The following TAFA2 variants were observed in gnomAD, a reference collection of about 807,000 sequenced individuals.
TAFA2 encodes the protein TAFA chemokine like family member 2, also known as chemokine-like protein TAFA-2.
TAFA2 carries 7 observed loss-of-function variants against 18.8 expected under a neutral mutation model. That is an observed-to-expected ratio of 0.37 (90% CI 0.21 to 0.70). The LOEUF is 0.70. TAFA2 is among the 30% of genes least tolerant of loss of function. TAFA2 has a pLI of 0.53. For missense variants in TAFA2, 122 were observed against 158.1 expected (o/e 0.77, Z 1.23); for synonymous variants, 60 against 54.2 (o/e 1.11, Z -0.47).
chr12:61,761,548 T>C (rs1869547239), intron 2 of TAFA2, among the ~76,000 whole-genome samples: 1 of 152,064 alleles, frequency 6.6e-6, no homozygotes, highest in South Asian at 2.1e-4. Flanking sequence ...CCATAAACCA[T>C]TTATGAAATA....
At chr12:61,866,348 G>T (rs1209469354) in intron 2 of TAFA2, among the ~76,000 whole-genome samples, 1 of 152,030 alleles carries the variant, frequency 6.6e-6, no homozygotes. Context: ...TAATTAAACG[G>T]ACATGTGTAA....
intron 1 of TAFA2, chr12:62,234,914 T>A (rs1019938342): frequency 3.3e-6 from 3 of 902,496 alleles, no homozygotes; most frequent in Non-Finnish European, 5.4e-6. Flanking sequence ...GGGGGCAACA[T>A]CTGAGCCACG....
intron 1 of TAFA2, among the ~76,000 whole-genome samples, chr12:61,895,540 A>C (rs1875804446): frequency 6.6e-6 from 1 of 152,170 alleles, no homozygotes; most frequent in Non-Finnish European, 1.5e-5. Flanking sequence ...AAGCAAGCAC[A>C]AATACAGTGT....
intron 1 of TAFA2, among the ~76,000 whole-genome samples, chr12:62,113,049 AAGG>A (rs1869802495): frequency 6.6e-6 from 1 of 151,972 alleles, no homozygotes; most frequent in South Asian, 2.1e-4. Flanking sequence ...TGATCCTTTG[AAGG>A]AGAAGAGGGA....
chr12:62,142,268 C>T (rs1353924530), intron 1 of TAFA2, among the ~76,000 whole-genome samples: 2 of 152,100 alleles, frequency 1.3e-5, no homozygotes, highest in South Asian at 4.2e-4. Context: ...CTCTGCCTGG[C>T]CCACAGCAGG....
chr12:61,970,897 C>G (rs1164036231), intron 1 of TAFA2, among the ~76,000 whole-genome samples: 1 of 151,030 alleles, frequency 6.6e-6, no homozygotes, highest in African/African-American at 2.4e-5. Flanking sequence ...GAAAAAGAAT[C>G]TAGAAGGCTA....
At chr12:61,903,903 G>C (rs1876225235) in intron 1 of TAFA2, among the ~76,000 whole-genome samples, 1 of 152,064 alleles carries the variant, frequency 6.6e-6, no homozygotes. Flanking sequence ...TAAGTTATCT[G>C]CCTTTCCAGA....
chr12:61,756,574 A>T (rs1251309299), intron 2 of TAFA2, among the ~76,000 whole-genome samples: 3 of 152,094 alleles, frequency 2.0e-5, no homozygotes, highest in African/African-American at 7.2e-5. Flanking sequence ...ACAGCAATGA[A>T]TAAGGGACAC....
chr12:62,238,349 C>T (rs1260111402), intron 1 of TAFA2, among the ~76,000 whole-genome samples: 4 of 152,166 alleles, frequency 2.6e-5, no homozygotes, highest in Admixed American at 1.3e-4. Flanking sequence ...TTCAATTTTC[C>T]GTGGGGAAGA....
At chr12:62,183,076 A>G (rs1247460510) in intron 1 of TAFA2, among the ~76,000 whole-genome samples, 1 of 152,228 alleles carries the variant, frequency 6.6e-6, no homozygotes, top group Non-Finnish European at 1.5e-5. Context: ...TTCATATACT[A>G]AAGCCTAAAT....
Position 61,790,922 on chromosome 12 carries a change from GA to G in TAFA2, c.107-35899del, listed in dbSNP as rs1486327024. Among the ~76,000 whole-genome samples, 4 of 151,428 alleles carry G rather than the reference GA, an allele frequency of 2.6e-5. No homozygotes were observed. The East Asian group carries it at 7.8e-4, about 29-fold the overall frequency. ...AATAGCCACACCAATACTAAGAGGG[GA>G]AAACCTAGAGGCATCATATTACCTG... On this transcript the variant is annotated intron_variant, in intron 2 of 4. Transcript: ENST00000416284.
chr12:62,142,539 T>G (rs923064501), intron 1 of TAFA2, among the ~76,000 whole-genome samples: 1 of 152,172 alleles, frequency 6.6e-6, no homozygotes. Flanking sequence ...CAATTCATAG[T>G]GTCTTCCATG....
chr12:61,820,254 A>T (rs1249002191), intron 2 of TAFA2, among the ~76,000 whole-genome samples: 1 of 151,252 alleles, frequency 6.6e-6, no homozygotes, highest in Non-Finnish European at 1.5e-5. Flanking sequence ...GTGGGGATGG[A>T]AGGGAGAGGT....
At chr12:61,877,076 C>G (rs1006423793) in intron 1 of TAFA2, among the ~76,000 whole-genome samples, 2 of 152,180 alleles carry the variant, frequency 1.3e-5, no homozygotes, top group Admixed American at 6.5e-5. Flanking sequence ...CCATACTCAG[C>G]TTTCAGCTAA....
chr12:62,194,364 A>G (rs908324701), upstream of TAFA2, among the ~76,000 whole-genome samples: 3 of 151,720 alleles, frequency 2.0e-5, no homozygotes, highest in African/African-American at 7.3e-5. Flanking sequence ...TAATCTTTCT[A>G]CCTTCTAATT....
chr12:61,761,871 CT>C (rs1869563120), intron 2 of TAFA2, among the ~76,000 whole-genome samples: 1 of 152,032 alleles, frequency 6.6e-6, no homozygotes, highest in Non-Finnish European at 1.5e-5. Flanking sequence ...AAGATGGGTC[CT>C]GGTGGAAGGT....
At position 62,180,734 on chromosome 12, in the gene TAFA2, CA is replaced by C. The variant is rs757743636; in HGVS notation, c.-2+10524del. ...AAATAGCATTTAGAATTAGAATAGC[CA>C]AAAAAATTTAGTATCATTGAAGCCA... On this transcript the variant is annotated intron_variant, in intron 1 of 4. Coordinates refer to ENST00000416284, the MANE Select transcript of TAFA2 (RefSeq NM_178539.5). 9.3e-5 allele frequency among the ~76,000 whole-genome samples: 14 copies of C among 150,158 alleles called. No individual in the cohort carries two copies. The South Asian group carries it at 1.5e-3, about 16-fold the overall frequency.
At chr12:61,808,760 G>A (rs747219722) in intron 2 of TAFA2, among the ~76,000 whole-genome samples, 19 of 151,440 alleles carry the variant, frequency 1.3e-4, no homozygotes, top group Admixed American at 2.0e-4. Flanking sequence ...TGGAATTAAC[G>A]AGATCAATGT....
chr12:61,778,433 G>A (rs1465607387), intron 2 of TAFA2, among the ~76,000 whole-genome samples: 2 of 151,610 alleles, frequency 1.3e-5, no homozygotes, highest in East Asian at 2.0e-4. Context: ...ACTGACAAAC[G>A]CTTGCCACCA....
Sources: allele counts gnomAD v4.1 joint callset (sites outside exome capture counted in the v4.1 genomes callset), GRCh38; gene constraint gnomAD v4.1.1; transcripts MANE v1.5; gene names NCBI Gene and HGNC (gene_info 2026-07-23, HGNC 2026-07-21).